The following PPP2R2B variants were observed in gnomAD, a reference collection of about 807,000 sequenced individuals.
PPP2R2B encodes the protein serine/threonine-protein phosphatase 2A 55 kDa regulatory subunit B beta isoform.
A neutral mutation model predicts 46.0 loss-of-function variants in PPP2R2B; 5 were observed. That is an observed-to-expected ratio of 0.11 (90% CI 0.06 to 0.23). PPP2R2B has a LOEUF of 0.23. Ranked by LOEUF, PPP2R2B falls within the 10% of genes least tolerant of loss-of-function variation. The pLI, the probability that PPP2R2B is intolerant of heterozygous loss-of-function variation, is 1.00. For missense variants in PPP2R2B, 367 were observed against 575.0 expected (o/e 0.64, Z 3.70); for synonymous variants, 215 against 206.7 (o/e 1.04, Z -0.34).
intron 1 of PPP2R2B, among the ~76,000 whole-genome samples, chr5:146,918,178 AATTCACTGTGG>A (rs1763462062): frequency 6.6e-6 from 1 of 152,202 alleles, no homozygotes; most frequent in Non-Finnish European, 1.5e-5. Context: ...ACAAGCTGTG[AATTCACTGTGG>A]AGGTAGCAAG....
chr5:146,717,650 G>C (rs915570059), intron 2 of PPP2R2B, among the ~76,000 whole-genome samples: 8 of 152,092 alleles, frequency 5.3e-5, no homozygotes, highest in African/African-American at 1.9e-4. Context: ...ACACCATTTT[G>C]GGGAAGCTTT....
At chr5:146,759,769 TC>T (rs1388033271) in intron 2 of PPP2R2B, among the ~76,000 whole-genome samples, 2 of 152,044 alleles carry the variant, frequency 1.3e-5, no homozygotes, top group African/African-American at 2.4e-5. Context: ...TTTTTTTTTT[TC>T]ATTTGTGACG....
At chr5:146,805,976 G>A (rs1444461233) in intron 2 of PPP2R2B, among the ~76,000 whole-genome samples, 2 of 152,128 alleles carry the variant, frequency 1.3e-5, no homozygotes, top group Non-Finnish European at 1.5e-5. Context: ...CTACCTTGGC[G>A]AATAAAGCCA....
intron 2 of PPP2R2B, among the ~76,000 whole-genome samples, chr5:146,814,980 A>G (rs1351089881): frequency 6.6e-6 from 1 of 152,220 alleles, no homozygotes; most frequent in Non-Finnish European, 1.5e-5. Context: ...AGGTTGCTGT[A>G]GACCTGTACA....
chr5:146,686,528 T>C (rs950997336), intron 5 of PPP2R2B, among the ~76,000 whole-genome samples: 2 of 152,190 alleles, frequency 1.3e-5, no homozygotes, highest in Non-Finnish European at 2.9e-5. Context: ...ATCTAGTACC[T>C]GGCACATAGT....
intron 2 of PPP2R2B, among the ~76,000 whole-genome samples, chr5:146,839,903 G>A (rs766414281): frequency 2.6e-5 from 4 of 152,144 alleles, no homozygotes; most frequent in Non-Finnish European, 5.9e-5. Context: ...TACTTCCTTA[G>A]GGTATGAGGA....
chr5:146,884,994 T>G (rs371571081), intron 1 of PPP2R2B, among the ~76,000 whole-genome samples: 2 of 152,210 alleles, frequency 1.3e-5, no homozygotes, highest in South Asian at 4.1e-4. Flanking sequence ...TAAAGAACAT[T>G]GCTTATAATC....
intron 3 of PPP2R2B, among the ~76,000 whole-genome samples, chr5:146,699,812 T>C (rs1779428672): frequency 6.6e-6 from 1 of 152,128 alleles, no homozygotes; most frequent in African/African-American, 2.4e-5. Flanking sequence ...TATAAGAGTG[T>C]TGATTTGCTA....
At chr5:146,683,828 G>A (rs1778324635) in intron 5 of PPP2R2B, among the ~76,000 whole-genome samples, 1 of 152,136 alleles carries the variant, frequency 6.6e-6, no homozygotes, top group African/African-American at 2.4e-5. Context: ...GATAATGATG[G>A]CAATCAATAA....
intron 7 of PPP2R2B, among the ~76,000 whole-genome samples, chr5:146,614,168 A>C (rs1304084291): frequency 5.2e-5 from 6 of 114,990 alleles, no homozygotes; most frequent in African/African-American, 1.3e-4. Context: ...GATCAATGGA[A>C]CAGAACAGAG....
At chr5:146,691,789 C>T (rs2151154049) in intron 4 of PPP2R2B, among the ~76,000 whole-genome samples, 1 of 152,312 alleles carries the variant, frequency 6.6e-6, no homozygotes, top group South Asian at 2.1e-4. Context: ...GGCTTCCCTA[C>T]TGCTCCAGGT....
intron 2 of PPP2R2B, among the ~76,000 whole-genome samples, chr5:147,068,234 T>C (rs1580880047): frequency 1.3e-5 from 2 of 152,206 alleles, no homozygotes; most frequent in South Asian, 2.1e-4. Flanking sequence ...TTTTATTTCA[T>C]CCTCCTGACA....
chr5:147,079,439 T>TATATAC (rs1757902684), intron 2 of PPP2R2B, among the ~76,000 whole-genome samples: 1 of 46,542 alleles, frequency 2.1e-5, no homozygotes, highest in Non-Finnish European at 4.6e-5. Flanking sequence ...ACATTTTATA[T>TATATAC]ATATACATAT....
At chr5:146,901,524 T>C (rs934741148) in intron 1 of PPP2R2B, among the ~76,000 whole-genome samples, 1 of 151,778 alleles carries the variant, frequency 6.6e-6, no homozygotes, top group African/African-American at 2.4e-5. Context: ...AAAACCAAAA[T>C]ACAAACTCCC....
intron 2 of PPP2R2B, among the ~76,000 whole-genome samples, chr5:146,768,282 C>G (rs188111860): frequency 1.3e-5 from 2 of 152,088 alleles, no homozygotes; most frequent in South Asian, 2.1e-4. Flanking sequence ...CTATGTTGCC[C>G]AGGCTGGTCT....
At position 146,744,324 on chromosome 5, in the gene PPP2R2B, G is replaced by A. The variant is rs559383572; in HGVS notation, c.71-43182C>T. ...GCAGAGCAGATACAGATATGTCTCCGCAGCCAAAGAAGCAATGAAAGCTAT... is the reference window on the plus strand; with the variant it reads ...GCAGAGCAGATACAGATATGTCTCCACAGCCAAAGAAGCAATGAAAGCTAT... On this transcript the variant is annotated intron_variant, in intron 2 of 9. Transcript: ENST00000394411. Among the ~76,000 whole-genome samples the A allele has an allele frequency of 4.6e-5, 7 of 152,202 alleles. No individual in the cohort carries two copies. In the South Asian group the frequency reaches 8.3e-4, roughly 18 times the overall value.
intron 2 of PPP2R2B, among the ~76,000 whole-genome samples, chr5:146,747,363 A>G (rs939065647): frequency 6.6e-6 from 1 of 152,176 alleles, no homozygotes; most frequent in African/African-American, 2.4e-5. Flanking sequence ...GCCAAAATGA[A>G]CTGTTCAACC....
intron 5 of PPP2R2B, among the ~76,000 whole-genome samples, chr5:146,679,343 G>A (rs1308988959): frequency 2.6e-5 from 1 of 37,928 alleles, no homozygotes; most frequent in Non-Finnish European, 4.0e-5. Flanking sequence ...CTAGCCATAT[G>A]CAGAAAGCTG....
At chr5:146,868,307 C>T (rs1761426322) in intron 2 of PPP2R2B, among the ~76,000 whole-genome samples, 2 of 152,230 alleles carry the variant, frequency 1.3e-5, no homozygotes, top group South Asian at 4.1e-4. Flanking sequence ...TGCCTCTTGG[C>T]TGCACCAGAA....
Sources: allele counts gnomAD v4.1 joint callset (sites outside exome capture counted in the v4.1 genomes callset), GRCh38; gene constraint gnomAD v4.1.1; transcripts MANE v1.5; gene names NCBI Gene and HGNC (gene_info 2026-07-23, HGNC 2026-07-21).